The following ANO10 variants were observed in gnomAD, a reference collection of about 807,000 sequenced individuals.
ANO10 encodes anoctamin 10, also known as anoctamin-10.
Under a neutral mutation model 74.7 loss-of-function variants are expected in ANO10, and 77 were observed. That is an observed-to-expected ratio of 1.03 (90% confidence interval 0.86 to 1.25). The LOEUF (loss-of-function observed/expected upper bound fraction) is 1.25. ANO10 is among the 50% of genes most tolerant of loss of function. ANO10 has a pLI of 0.00. For missense variants in ANO10, 721 were observed against 778.1 expected (o/e 0.93, Z 0.87); for synonymous variants, 279 against 284.9 (o/e 0.98, Z 0.21).
chr3:43,536,995 C>CAAAAAAAAAAA, intron 11 of ANO10, among the ~76,000 whole-genome samples: 1 of 78,618 alleles, frequency 1.3e-5, no homozygotes, highest in Non-Finnish European at 2.4e-5. Context: ...TTTCATCACT[C>CAAAAAAAAAAA]AAAAAAAAAA....
intron 7 of ANO10, among the ~76,000 whole-genome samples, chr3:43,571,139 C>T (rs1435086305): frequency 2.7e-5 from 4 of 149,976 alleles, no homozygotes; most frequent in Non-Finnish European, 6.0e-5. Flanking sequence ...AATGAGATAC[C>T]ATCTCACACC....
intron 1 of ANO10, among the ~76,000 whole-genome samples, chr3:43,674,487 G>C (rs1427757990): frequency 6.6e-6 from 1 of 151,994 alleles, no homozygotes; most frequent in Non-Finnish European, 1.5e-5. Flanking sequence ...TTTTCCTGAG[G>C]TGACTGCCTC....
At chr3:43,639,857 T>C (rs1330839073) in intron 1 of ANO10, among the ~76,000 whole-genome samples, 1 of 152,114 alleles carries the variant, frequency 6.6e-6, no homozygotes, top group Non-Finnish European at 1.5e-5. Context: ...CACAATAGTA[T>C]ACTTTCAGAT....
chr3:43,427,289 A>G (rs1273553113), intron 12 of ANO10, among the ~76,000 whole-genome samples: 6 of 152,260 alleles, frequency 3.9e-5, no homozygotes, highest in African/African-American at 1.2e-4. Flanking sequence ...GGGGATTGAT[A>G]AAAGTGGGGT....
intron 4 of ANO10, among the ~76,000 whole-genome samples, chr3:43,591,670 G>A (rs1559750500): frequency 6.6e-6 from 1 of 152,218 alleles, no homozygotes; most frequent in Non-Finnish European, 1.5e-5. Context: ...CTCCCAGCAT[G>A]AGCGGCACAG....
At chr3:43,473,884 T>C (rs1207705490) in intron 11 of ANO10, among the ~76,000 whole-genome samples, 1 of 152,152 alleles carries the variant, frequency 6.6e-6, no homozygotes, top group African/African-American at 2.4e-5. Context: ...TGGAGAGGTC[T>C]GGAGTCAGTG....
At chr3:43,626,108 A>G (rs915219818), upstream of ANO10, among the ~76,000 whole-genome samples, 1 of 151,622 alleles carries the variant, frequency 6.6e-6, no homozygotes, top group Non-Finnish European at 1.5e-5. Flanking sequence ...TAATTTTTGT[A>G]TCTTTATTAG....
At chr3:43,445,693 G>A (rs1348750628) in intron 11 of ANO10, among the ~76,000 whole-genome samples, 1 of 151,806 alleles carries the variant, frequency 6.6e-6, no homozygotes, top group Non-Finnish European at 1.5e-5. Context: ...CACAGGCAAT[G>A]CATTTTTTTT....
chr3:43,640,097 T>C (rs1286400599), intron 1 of ANO10, among the ~76,000 whole-genome samples: 1 of 152,160 alleles, frequency 6.6e-6, no homozygotes, highest in Non-Finnish European at 1.5e-5. Flanking sequence ...AATGAACCAC[T>C]CTACAAAGCT....
chr3:43,378,584 A>T (rs1200171116), intron 12 of ANO10, among the ~76,000 whole-genome samples: 1 of 152,232 alleles, frequency 6.6e-6, no homozygotes, highest in Non-Finnish European at 1.5e-5. Flanking sequence ...TATTATGAGT[A>T]AAACAAAATT....
intron 9 of ANO10, among the ~76,000 whole-genome samples, chr3:43,557,992 C>G (rs1334906770): frequency 6.6e-6 from 1 of 151,164 alleles, no homozygotes; most frequent in East Asian, 2.0e-4. Flanking sequence ...GTAGTCCCAG[C>G]TACTCAGGAG....
chr3:43,621,618 C>T (rs1377464530), intron 1 of ANO10, among the ~76,000 whole-genome samples: 1 of 152,152 alleles, frequency 6.6e-6, no homozygotes, highest in East Asian at 1.9e-4. Flanking sequence ...GCCTTTCTCT[C>T]AGGACTCAAA....
chr3:43,688,839 G>A lies in ANO10; in HGVS notation c.-12+2678C>T, dbSNP rs573217915. Among the ~76,000 whole-genome samples the A allele has an allele frequency of 4.7e-5, 7 of 148,372 alleles. No homozygotes were observed. The East Asian group carries it at 1.2e-3, about 25-fold the overall frequency. On this transcript the variant is annotated intron_variant, in intron 1 of 3. Transcript: ENST00000413397. ...AGCCAGGGCAACAGAGTGAAACTCC[G>A]TCTTAGAAAAAAAAAAAAAAAGAAT...
intron 12 of ANO10, among the ~76,000 whole-genome samples, chr3:43,386,315 G>A (rs1347713497): frequency 6.6e-6 from 1 of 151,794 alleles, no homozygotes; most frequent in African/African-American, 2.4e-5. Flanking sequence ...AGGAGGGAGA[G>A]GAGCAAGGAA....
At chr3:43,519,076 C>T (rs2077836183) in intron 11 of ANO10, among the ~76,000 whole-genome samples, 4 of 152,076 alleles carry the variant, frequency 2.6e-5, no homozygotes, top group South Asian at 4.1e-4. Flanking sequence ...CCCCCGGACA[C>T]CCAGCTTTAA....
intron 1 of ANO10, among the ~76,000 whole-genome samples, chr3:43,682,800 C>T (rs541201118): frequency 1.1e-4 from 17 of 152,270 alleles, no homozygotes; most frequent in Non-Finnish European, 2.4e-4. Flanking sequence ...AAACATAATC[C>T]AGCATATAAA....
intron 12 of ANO10, chr3:43,372,664 G>A (rs889778895): frequency 1.4e-5 from 8 of 560,908 alleles, no homozygotes; most frequent in African/African-American, 7.5e-5. Flanking sequence ...TGCACTCCTC[G>A]CATTACCATC....
intron 11 of ANO10, among the ~76,000 whole-genome samples, chr3:43,547,300 T>C (rs1366737634): frequency 6.6e-6 from 1 of 152,202 alleles, no homozygotes; most frequent in Non-Finnish European, 1.5e-5. Flanking sequence ...TAACAAAAGT[T>C]ATTACAACAG....
rs1006395095 is a variant in ANO10 at position 43,566,256 on chromosome 3, G to A, written c.1219-529C>T. On this transcript the variant is annotated intron_variant, in intron 7 of 12. Coordinates refer to ENST00000292246, the MANE Select transcript of ANO10 (RefSeq NM_018075.5). ...AACTGCAAGGCGGCAGCGAGGCTGG[G>A]GGAGGGGCGCCCGCCATTGCCCAGG... 4.6e-5 allele frequency among the ~76,000 whole-genome samples: 7 copies of A among 152,352 alleles called. No homozygotes were observed. In the South Asian group the frequency reaches 6.2e-4, roughly 14 times the overall value.
Sources: allele counts gnomAD v4.1 joint callset (sites outside exome capture counted in the v4.1 genomes callset), GRCh38; gene constraint gnomAD v4.1.1; transcripts MANE v1.5; gene names NCBI Gene and HGNC (gene_info 2026-07-23, HGNC 2026-07-21).